The following TUBA1C variants were observed in gnomAD, a reference collection of about 807,000 sequenced individuals.
TUBA1C encodes tubulin alpha-1C chain.
TUBA1C carries 16 observed loss-of-function variants against 34.9 expected under a neutral mutation model. The ratio of observed to expected loss-of-function variants is 0.46; its 90% CI spans 0.31 to 0.70. The LOEUF (loss-of-function observed/expected upper bound fraction) is 0.70. Among genes scored for constraint, TUBA1C ranks in the 30% least tolerant of loss-of-function variants. The pLI, the probability that TUBA1C is intolerant of heterozygous loss-of-function variation, is 0.05. For missense variants in TUBA1C, 329 were observed against 587.3 expected (o/e 0.56, Z 4.55); for synonymous variants, 177 against 215.9 (o/e 0.82, Z 1.58).
Position 49,273,997 on chromosome 12 carries a change from T to G in TUBA1C, c.*770T>G, listed in dbSNP as rs1407828868. 1 of 152,788 alleles carries G rather than the reference T, an allele frequency of 6.5e-6. No individual in the cohort carries two copies. Among genetic ancestry groups the G allele is most frequent in the Non-Finnish European group, 1.5e-5 (1 of 68,524 alleles). The allele number at this position is 152,788 out of a possible 1,614,324, so 9.5% of individuals were successfully genotyped here. ...GAGGACCACCTGAGCCCAAGGAGGT[T>G]GAGGTAGTGAGCCATGATTGCACCA... On this transcript the variant is annotated 3_prime_UTR_variant, in exon 4 of 4. Coordinates refer to ENST00000301072, the MANE Select transcript of TUBA1C (RefSeq NM_032704.5).
chr12:49,236,026 G>C (rs1425229096), intron 1 of TUBA1C, among the ~76,000 whole-genome samples: 1 of 152,242 alleles, frequency 6.6e-6, no homozygotes, highest in Non-Finnish European at 1.5e-5. Flanking sequence ...TGCTGAATGG[G>C]AGGAGTTTCC....
chr12:49,260,867 C>G (rs1278646399), upstream of TUBA1C, among the ~76,000 whole-genome samples: 1 of 151,944 alleles, frequency 6.6e-6, no homozygotes, highest in Non-Finnish European at 1.5e-5. Flanking sequence ...AGTAGCTGGC[C>G]GACAGGCACA....
In TUBA1C at chr12:49,265,135, C is replaced by T. The variant is rs769034362; in HGVS notation, c.-47C>T. 95 of 1,593,018 alleles carry T rather than the reference C, an allele frequency of 6.0e-5. No homozygotes were observed. The South Asian group carries it at 9.2e-4, about 15-fold the overall frequency. ...TCTGTTAGTGGGAGATCCTTGTTGC[C>T]GTCCCTTCGCCTCCTTCACCGCCGC... On this transcript the variant is annotated 5_prime_UTR_variant, in exon 1 of 4. Transcript: ENST00000301072.
intron 3 of TUBA1C, among the ~76,000 whole-genome samples, chr12:49,270,822 CA>C (rs1295363364): frequency 6.6e-6 from 1 of 151,930 alleles, no homozygotes; most frequent in East Asian, 1.9e-4. Flanking sequence ...ACTAAAAATA[CA>C]AAAAAATTAG....
At chr12:49,263,884 T>C (rs1565647309), upstream of TUBA1C, among the ~76,000 whole-genome samples, 1 of 152,132 alleles carries the variant, frequency 6.6e-6, no homozygotes, top group Non-Finnish European at 1.5e-5. Context: ...TAATAATTCA[T>C]AGAGTTTGTC....
chr12:49,270,179 G>T, intron 3 of TUBA1C: 2 of 1,122,732 alleles, frequency 1.8e-6, no homozygotes, highest in South Asian at 2.7e-5. Context: ...GTGCTCTTTA[G>T]CCTATTTTGC....
chr12:49,260,520 A>G (rs1475282946), upstream of TUBA1C, among the ~76,000 whole-genome samples: 1 of 152,234 alleles, frequency 6.6e-6, no homozygotes, highest in Non-Finnish European at 1.5e-5. Context: ...CACAGCTCAA[A>G]TCAGGGAGGA....
intron 1 of TUBA1C, among the ~76,000 whole-genome samples, chr12:49,257,092 A>T (rs1470007556): frequency 2.0e-5 from 3 of 151,394 alleles, no homozygotes; most frequent in Admixed American, 1.3e-4. Flanking sequence ...CGGCAAGAGA[A>T]TCACTTGAAC....
At chr12:49,247,628 A>ACT (rs1205861294) in intron 1 of TUBA1C, among the ~76,000 whole-genome samples, 3 of 151,872 alleles carry the variant, frequency 2.0e-5, no homozygotes, top group Admixed American at 6.6e-5. Context: ...AGACAAACCC[A>ACT]CAAACAAAGC....
chr12:49,270,314 A>G (rs1350392457), intron 3 of TUBA1C: 38 of 414,496 alleles, frequency 9.2e-5, no homozygotes, highest in Middle Eastern at 1.5e-3. Flanking sequence ...CTTCATGTCA[A>G]TACAGAAAGT....
intron 1 of TUBA1C, among the ~76,000 whole-genome samples, chr12:49,238,101 T>G (rs567636442): frequency 6.7e-6 from 1 of 149,786 alleles, no homozygotes; most frequent in South Asian, 2.1e-4. Flanking sequence ...AAGAGCGAGA[T>G]TCCGCCTCAA....
chr12:49,271,123 A>G (rs1397355335), intron 3 of TUBA1C, among the ~76,000 whole-genome samples: 2 of 152,132 alleles, frequency 1.3e-5, no homozygotes, highest in African/African-American at 2.4e-5. Context: ...AAACAATTGC[A>G]TTTGTCCTTG....
upstream of TUBA1C, among the ~76,000 whole-genome samples, chr12:49,262,432 C>CA (rs781394639): frequency 0.27 from 27,240 of 100,106 alleles, 3,756 homozygotes; most frequent in East Asian, 0.66. Context: ...AGTTTTATAG[C>CA]AAAAAAAAAA....
At chr12:49,252,486 A>ATT (rs1942740833) in intron 1 of TUBA1C, among the ~76,000 whole-genome samples, 1 of 152,322 alleles carries the variant, frequency 6.6e-6, no homozygotes, top group African/African-American at 2.4e-5. Context: ...TTCTCAGTGA[A>ATT]TAAGGGTGAA....
chr12:49,231,669 TA>T (rs951896088), intron 1 of TUBA1C, among the ~76,000 whole-genome samples: 2 of 151,766 alleles, frequency 1.3e-5, no homozygotes, highest in African/African-American at 2.4e-5. Flanking sequence ...TTCTGCTACT[TA>T]AAAAAAATAG....
At chr12:49,264,069 A>C (rs1942867476), upstream of TUBA1C, among the ~76,000 whole-genome samples, 2 of 152,074 alleles carry the variant, frequency 1.3e-5, no homozygotes, top group Non-Finnish European at 2.9e-5. Flanking sequence ...AAATACAAAA[A>C]TTTAGCCAGG....
chr12:49,236,247 C>T (rs1388889096), intron 1 of TUBA1C, among the ~76,000 whole-genome samples: 1 of 152,180 alleles, frequency 6.6e-6, no homozygotes, highest in African/African-American at 2.4e-5. Context: ...CACATTTATA[C>T]ATATACTTCA....
In TUBA1C at chr12:49,230,355, G is replaced by A. The variant is rs551901908; in HGVS notation, c.213+2189G>A. 1.3e-4 allele frequency among the ~76,000 whole-genome samples: 20 copies of A among 152,304 alleles called. No homozygotes were observed. The East Asian group carries it at 3.9e-3, about 29-fold the overall frequency. On this transcript the variant is annotated intron_variant, in intron 1 of 3. Transcript: ENST00000541364. ...GTTACTAAAAACATAGGAGAAGAAGGAAAGGTGAGACACGCCCACGCCAGT... is the reference window on the plus strand; with the variant it reads ...GTTACTAAAAACATAGGAGAAGAAGAAAAGGTGAGACACGCCCACGCCAGT...
intron 1 of TUBA1C, among the ~76,000 whole-genome samples, chr12:49,266,452 C>G (rs2137017773): frequency 1.3e-5 from 2 of 151,874 alleles, no homozygotes; most frequent in East Asian, 3.9e-4. Flanking sequence ...AACCCGCAAA[C>G]CCCAGAGTAA....
Sources: gnomAD v4.1 joint callset for allele counts (sites outside exome capture counted in the v4.1 genomes callset) on GRCh38, gnomAD v4.1.1 for gene constraint, MANE v1.5 for transcripts, NCBI Gene and HGNC (gene_info 2026-07-23, HGNC 2026-07-21) for gene names.